The following ARHGAP17 variants were observed in gnomAD, a reference collection of about 807,000 sequenced individuals.
ARHGAP17 encodes the protein Rho GTPase activating protein 17.
Under a neutral mutation model 99.5 loss-of-function variants are expected in ARHGAP17, and 57 were observed. The observed-to-expected ratio is 0.57, with a 90% CI of 0.46 to 0.71. ARHGAP17 has a LOEUF of 0.71. ARHGAP17 is among the 30% of genes least tolerant of loss of function. The probability of loss-of-function intolerance (pLI) is 0.00; values close to 1 mark genes in which losing one functional copy is unlikely to be tolerated. For missense variants in ARHGAP17, 1,000 were observed against 1,122.4 expected (o/e 0.89, Z 1.56); for synonymous variants, 417 against 429.6 (o/e 0.97, Z 0.36).
chr16:24,972,957 CAG>C (rs2052412564), intron 3 of ARHGAP17, among the ~76,000 whole-genome samples: 2 of 148,708 alleles, frequency 1.3e-5, no homozygotes, highest in Non-Finnish European at 3.0e-5. Context: ...TTTTTTAAGA[CAG>C]GGTCTGGCTC....
chr16:24,961,998 G>A (rs1448000189), intron 7 of ARHGAP17, among the ~76,000 whole-genome samples: 1 of 135,060 alleles, frequency 7.4e-6, no homozygotes, highest in Non-Finnish European at 1.5e-5. Flanking sequence ...AATGACTTCT[G>A]TTTTTGGCAT....
chr16:24,982,990 A>AT (rs1450608573), intron 1 of ARHGAP17, among the ~76,000 whole-genome samples: 1 of 32,472 alleles, frequency 3.1e-5, no homozygotes, highest in African/African-American at 1.3e-4. Context: ...ATATATATAT[A>AT]TATATATTTT....
chr16:24,963,488 A>C (rs1403998305), intron 7 of ARHGAP17, among the ~76,000 whole-genome samples: 1 of 152,206 alleles, frequency 6.6e-6, no homozygotes, highest in Non-Finnish European at 1.5e-5. Flanking sequence ...ACAATGAAAA[A>C]TAAGAGCAGG....
chr16:24,952,796 T>G, intron 11 of ARHGAP17, 135 bp downstream of exon 11: 2 of 718,966 alleles, frequency 2.8e-6, no homozygotes, highest in Non-Finnish European at 4.8e-6. Context: ...CACTAAGGAA[T>G]TGTAGCAAGA....
intron 9 of ARHGAP17, among the ~76,000 whole-genome samples, chr16:24,958,271 C>A (rs780113543): frequency 3.3e-5 from 5 of 152,006 alleles, no homozygotes; most frequent in Non-Finnish European, 5.9e-5. Flanking sequence ...GAAAAAAAAT[C>A]CAATCTCTCG....
chr16:25,005,143 T>C (rs2053471913), intron 1 of ARHGAP17, among the ~76,000 whole-genome samples: 1 of 152,224 alleles, frequency 6.6e-6, no homozygotes, highest in South Asian at 2.1e-4. Flanking sequence ...CTCAAACTCG[T>C]GACCTCAGGA....
intron 17 of ARHGAP17, among the ~76,000 whole-genome samples, chr16:24,938,373 C>T (rs1171418124): frequency 6.6e-6 from 1 of 150,562 alleles, no homozygotes; most frequent in East Asian, 2.0e-4. Context: ...AAAAAAAAAA[C>T]CTCAAGTTCA....
intron 13 of ARHGAP17, 41 bp downstream of exon 13, chr16:24,949,363 T>C: frequency 6.5e-7 from 1 of 1,530,230 alleles, no homozygotes; most frequent in Non-Finnish European, 9.0e-7. Context: ...GGCATTAAAC[T>C]TATCTTCACT....
chr16:24,949,550 G>A, intron 12 of ARHGAP17, 66 bp from the exon 13 acceptor site: 1 of 1,396,094 alleles, frequency 7.2e-7, no homozygotes, highest in Admixed American at 2.0e-5. Flanking sequence ...AATATGCTAT[G>A]TTAAAAATGA....
At chr16:24,926,417 C>T (rs1168370448) in intron 19 of ARHGAP17, among the ~76,000 whole-genome samples, 2 of 152,126 alleles carry the variant, frequency 1.3e-5, no homozygotes, top group Admixed American at 6.5e-5. Flanking sequence ...CCCACCACGA[C>T]ACCCAGCTAA....
intron 9 of ARHGAP17, chr16:24,954,941 G>A: frequency 1.6e-6 from 1 of 607,642 alleles, no homozygotes; most frequent in Non-Finnish European, 2.7e-6. Context: ...TGGAACAGAA[G>A]CCTGAGCGTA....
intron 1 of ARHGAP17, among the ~76,000 whole-genome samples, chr16:25,006,704 T>C (rs1042645962): frequency 1.3e-5 from 2 of 152,200 alleles, no homozygotes; most frequent in African/African-American, 2.4e-5. Context: ...TGTGTTCCAG[T>C]AAACTTTTTC....
chr16:24,971,735 A>G (rs2052370771), intron 3 of ARHGAP17, among the ~76,000 whole-genome samples: 1 of 152,188 alleles, frequency 6.6e-6, no homozygotes, highest in Non-Finnish European at 1.5e-5. Flanking sequence ...ATACAAAGCC[A>G]CTCATTTTCC....
At chr16:24,948,190 G>C (rs1230571309) in intron 13 of ARHGAP17, among the ~76,000 whole-genome samples, 1 of 152,096 alleles carries the variant, frequency 6.6e-6, no homozygotes, top group Non-Finnish European at 1.5e-5. Flanking sequence ...GATGTATTAC[G>C]CAAATACCTT....
intron 9 of ARHGAP17, 129 bp downstream of exon 9, chr16:24,959,542 A>T: frequency 1.2e-6 from 1 of 830,006 alleles, no homozygotes; most frequent in East Asian, 2.7e-5. Context: ...TATGCTGGGA[A>T]ACAGTACCCT....
chr16:24,985,545 G>A (rs985531546), intron 1 of ARHGAP17, among the ~76,000 whole-genome samples: 2 of 152,066 alleles, frequency 1.3e-5, no homozygotes, highest in Non-Finnish European at 2.9e-5. Flanking sequence ...CTGACTCTGC[G>A]ACCTCCCTCT....
chr16:24,984,072 A>T (rs2052782138), intron 1 of ARHGAP17, among the ~76,000 whole-genome samples: 1 of 152,202 alleles, frequency 6.6e-6, no homozygotes, highest in African/African-American at 2.4e-5. Flanking sequence ...TACCAAAAAG[A>T]CAGAAGATGC....
intron 18 of ARHGAP17, among the ~76,000 whole-genome samples, chr16:24,934,694 C>T (rs577361429): frequency 2.7e-5 from 4 of 150,748 alleles, no homozygotes; most frequent in East Asian, 2.0e-4. Context: ...TGGCCTCAAG[C>T]GATCTTCCTG....
intron 17 of ARHGAP17, among the ~76,000 whole-genome samples, chr16:24,938,773 G>GAAAAAA (rs111587139): frequency 7.4e-5 from 6 of 81,132 alleles, no homozygotes; most frequent in Admixed American, 1.5e-4. Flanking sequence ...CGCAGTCTCA[G>GAAAAAA]AAAAAAAAAA....
Sources: allele counts gnomAD v4.1 joint callset (sites outside exome capture counted in the v4.1 genomes callset), GRCh38; gene constraint gnomAD v4.1.1; transcripts MANE v1.5; gene names NCBI Gene and HGNC (gene_info 2026-07-23, HGNC 2026-07-21).